Variants in ARHGEF10 observed in about 807,000 individuals in gnomAD.
ARHGEF10 encodes Rho guanine nucleotide exchange factor 10.
Under a neutral mutation model 147.4 loss-of-function variants are expected in ARHGEF10, and 140 were observed. The observed-to-expected ratio is 0.95, with a 90% CI of 0.83 to 1.09. ARHGEF10 has a LOEUF of 1.09. ARHGEF10 is among the 50% of genes least tolerant of loss of function. ARHGEF10 has a pLI of 0.00. For missense variants in ARHGEF10, 2,222 were observed against 1,752.7 expected (o/e 1.27, Z -4.78); for synonymous variants, 902 against 695.8 (o/e 1.30, Z -4.67).
At chr8:1,919,885 GCT>G (rs1812110049) in intron 18 of ARHGEF10, among the ~76,000 whole-genome samples, 1 of 139,014 alleles carries the variant, frequency 7.2e-6, no homozygotes. Flanking sequence ...TGGGTGATGA[GCT>G]GTTCTGTCAG....
At chr8:1,892,143 G>T (rs1809580011) in intron 11 of ARHGEF10, among the ~76,000 whole-genome samples, 1 of 151,862 alleles carries the variant, frequency 6.6e-6, no homozygotes, top group South Asian at 2.1e-4. Flanking sequence ...AAGAAAGACT[G>T]GCCTGGGTTT....
chr8:1,928,920 A>G (rs528440473), intron 24 of ARHGEF10, among the ~76,000 whole-genome samples: 2 of 152,340 alleles, frequency 1.3e-5, no homozygotes, highest in South Asian at 4.1e-4. Flanking sequence ...TGTCTCATTT[A>G]TATTAATGGT....
At chr8:1,911,562 C>T (rs934900745) in intron 18 of ARHGEF10, among the ~76,000 whole-genome samples, 1 of 152,206 alleles carries the variant, frequency 6.6e-6, no homozygotes, top group African/African-American at 2.4e-5. Context: ...ATGGTGCTGT[C>T]TTGCATTTAC....
intron 10 of ARHGEF10, 127 bp downstream of exon 10, chr8:1,882,876 C>T (rs1808338158): frequency 7.0e-6 from 6 of 857,528 alleles, no homozygotes; most frequent in Non-Finnish European, 1.1e-5. Context: ...CACCAGCCTG[C>T]TCAGTGCTTG....
At chr8:1,833,799 AT>A (rs1429895059) in intron 1 of ARHGEF10, among the ~76,000 whole-genome samples, 3 of 152,122 alleles carry the variant, frequency 2.0e-5, no homozygotes, top group Non-Finnish European at 4.4e-5. Context: ...GCTGACCCCC[AT>A]CCCCAGCTCC....
intron 25 of ARHGEF10, 88 bp downstream of exon 25, chr8:1,929,531 G>GGCCTCCT: frequency 6.9e-7 from 1 of 1,445,450 alleles, no homozygotes; most frequent in Non-Finnish European, 9.2e-7. Flanking sequence ...CCTCCCCACC[G>GGCCTCCT]GCCTCCTGCC....
intron 11 of ARHGEF10, among the ~76,000 whole-genome samples, chr8:1,890,540 C>T (rs1809431469): frequency 6.8e-6 from 1 of 148,146 alleles, no homozygotes; most frequent in Non-Finnish European, 1.5e-5. Flanking sequence ...TGAGGAGACA[C>T]TGAGTGGGGT....
chr8:1,873,976 C>G (rs543314783), intron 7 of ARHGEF10, among the ~76,000 whole-genome samples: 3 of 152,186 alleles, frequency 2.0e-5, no homozygotes, highest in South Asian at 2.1e-4. Flanking sequence ...CCATAGGCCA[C>G]TTTTTAAATA....
intron 8 of ARHGEF10, 48 bp downstream of exon 8, chr8:1,876,782 G>T: frequency 1.3e-6 from 2 of 1,594,566 alleles, no homozygotes; most frequent in Non-Finnish European, 1.7e-6. Flanking sequence ...GCGTTAACAC[G>T]GACAGGGGGC....
At chr8:1,855,891 C>G (rs1003914402) in intron 2 of ARHGEF10, among the ~76,000 whole-genome samples, 3 of 151,708 alleles carry the variant, frequency 2.0e-5, no homozygotes, top group Non-Finnish European at 2.9e-5. Flanking sequence ...CAGTTCATTT[C>G]CATAAACTGA....
chr8:1,909,467 C>G lies in ARHGEF10; in HGVS notation c.2140C>G (p.Pro714Ala), dbSNP rs1394872692. 1.9e-6 allele frequency: 3 copies of G among 1,613,974 alleles called. No homozygotes were observed. Among genetic ancestry groups the G allele is most frequent in the Admixed American group, 1.7e-5 (1 of 60,020 alleles). The change falls in exon 18 of 29, where the codon CCA (proline) becomes GCA (alanine). Residue 714 changes from proline to alanine, a missense_variant. Coordinates refer to ENST00000349830, the MANE Select transcript of ARHGEF10 (RefSeq NM_014629.4). ...ESLAVVANAKPNKVYMGPGQL... is the reference protein window; with the variant it reads ...ESLAVVANAKANKVYMGPGQL... ...CCTGGCCGTGGTTGCTAACGCGAAA[C>G]CAAGTAAGTGATGCTTTCTCTCACG... is the stretch of plus-strand genomic sequence containing the variant.
rs201125797 is a variant in ARHGEF10, at chr8:1,885,617, T to A, written c.1092T>A (p.Leu364=). The A allele has an allele frequency of 6.2e-7, 1 of 1,613,464 alleles. No individual in the cohort carries two copies. Among genetic ancestry groups the A allele is most frequent in the African/African-American group, 1.3e-5 (1 of 75,002 alleles). The change falls in exon 11 of 29, where the codon CTT becomes CTA. Residue 364 remains leucine, a synonymous_variant. Transcript: ENST00000349830. ...SLIAQDHRSS[L]EEEQNLFIDV... ...TTTTTTAAGATCACAGATCTTCTCT[T>A]GAGGAAGAACAGAATTTGTTCATTG... is the stretch of plus-strand genomic sequence containing the variant.
At chr8:1,845,354 T>C (rs191892264) in intron 2 of ARHGEF10, among the ~76,000 whole-genome samples, 4 of 152,322 alleles carry the variant, frequency 2.6e-5, no homozygotes, top group Admixed American at 6.5e-5. Flanking sequence ...TTGTCTTGGA[T>C]AGTTTTCTGT....
chr8:1,956,672 A>G (rs935986851), intron 28 of ARHGEF10, 77 bp from the exon 29 acceptor site: 4 of 1,546,564 alleles, frequency 2.6e-6, no homozygotes, highest in Non-Finnish European at 3.6e-6. Flanking sequence ...GTTGGGGTTA[A>G]GCCCTGCACT....
rs1205178988 is a variant in ARHGEF10 at position 1,823,961 on chromosome 8, C to G, written c.-200C>G. On this transcript the variant is annotated 5_prime_UTR_variant, in exon 1 of 29. Coordinates refer to ENST00000349830, the MANE Select transcript of ARHGEF10 (RefSeq NM_014629.4). ...CGCATCCCTGTAGCCGGCGGGCGCG[C>G]GATCCGGGACGGACGGGGTCGCGGG... 6 of 145,254 alleles carry G rather than the reference C, an allele frequency of 4.1e-5. No individual in the cohort carries two copies. The highest frequency in any genetic ancestry group is 1.0e-4 in the African/African-American group (4 of 38,808). The allele number at this position is 145,254 out of a possible 1,614,324, so 9.0% of individuals were successfully genotyped here. A position where few individuals can be genotyped will look rare whatever the true frequency, so the allele number is the denominator to read the frequency against.
intron 11 of ARHGEF10, among the ~76,000 whole-genome samples, chr8:1,888,469 A>T (rs536997620): frequency 0.01 from 835 of 80,358 alleles, 38 homozygotes; most frequent in African/African-American, 0.042. Context: ...GGTGAGGGGT[A>T]TTGAGGAGAC....
chr8:1,892,666 GC>G (rs1278899450), intron 11 of ARHGEF10, among the ~76,000 whole-genome samples: 3 of 144,902 alleles, frequency 2.1e-5, no homozygotes, highest in Non-Finnish European at 4.5e-5. Flanking sequence ...GCTTCCGTGC[GC>G]GCACGTGTGT....
chr8:1,890,487 G>A (rs964458729), intron 11 of ARHGEF10, among the ~76,000 whole-genome samples: 3 of 150,764 alleles, frequency 2.0e-5, no homozygotes, highest in African/African-American at 7.4e-5. Context: ...ACTGAGTGGG[G>A]TGAGGGTTGT....
chr8:1,834,329 G>T (rs6558551), intron 1 of ARHGEF10, among the ~76,000 whole-genome samples: 1 of 151,912 alleles, frequency 6.6e-6, no homozygotes, highest in Non-Finnish European at 1.5e-5. Flanking sequence ...TTCTGGGAGC[G>T]TGCAGAGGAG....
Sources: allele counts gnomAD v4.1 joint callset (sites outside exome capture counted in the v4.1 genomes callset), GRCh38; gene constraint gnomAD v4.1.1; transcripts MANE v1.5; gene names NCBI Gene and HGNC (gene_info 2026-07-23, HGNC 2026-07-21).